CDC42BPB: variants seen among roughly 807,000 people sequenced by gnomAD.
CDC42BPB encodes the protein serine/threonine-protein kinase MRCK beta.
In CDC42BPB, 37 loss-of-function variants were observed where a neutral mutation model predicts 214.9. The ratio of observed to expected loss-of-function variants is 0.17; its 90% CI spans 0.13 to 0.23. The LOEUF (loss-of-function observed/expected upper bound fraction) is 0.23, where lower values mean the gene tolerates loss of function less well. Among genes scored for constraint, CDC42BPB ranks in the 10% least tolerant of loss-of-function variants. The pLI is 1.00. For missense variants in CDC42BPB, 1,694 were observed against 2,227.0 expected, an observed-to-expected ratio of 0.76 and a Z score of 4.82; for synonymous variants, 931 against 884.0, an observed-to-expected ratio of 1.05 and a Z score of -0.94.
rs1030412379 is a variant in CDC42BPB, at chr14:102,933,490, C to G, written c.*222G>C. On this transcript the variant is annotated 3_prime_UTR_variant, in exon 37 of 37. Transcript: ENST00000361246. ...GGGGGTCCTTCATGTGCAGATGGAACAGCATCGCCTCACAGCTGTGCAGAC... is the reference window on the plus strand; with the variant it reads ...GGGGGTCCTTCATGTGCAGATGGAAGAGCATCGCCTCACAGCTGTGCAGAC... 10 of 421,370 alleles carry G rather than the reference C, an allele frequency of 2.4e-5. No homozygotes were observed. Among genetic ancestry groups the G allele is most frequent in the African/African-American group, 1.9e-4 (9 of 48,566 alleles). 26.1% of individuals were successfully genotyped at this position (421,370 alleles called of 1,614,324 possible).
At chr14:103,036,368 G>A (rs904296256) in intron 1 of CDC42BPB, among the ~76,000 whole-genome samples, 34 of 151,974 alleles carry the variant, frequency 2.2e-4, no homozygotes, top group African/African-American at 8.2e-4. Context: ...TGTTAGCCAG[G>A]ATGGTCTCGA....
At chr14:102,939,113 G>A (rs993550075) in intron 34 of CDC42BPB, among the ~76,000 whole-genome samples, 1 of 151,616 alleles carries the variant, frequency 6.6e-6, no homozygotes, top group African/African-American at 2.4e-5. Context: ...ATTTCTTTTT[G>A]TATTTTTAGT....
At chr14:103,025,036 TTG>T (rs1886974127) in intron 1 of CDC42BPB, among the ~76,000 whole-genome samples, 1 of 152,226 alleles carries the variant, frequency 6.6e-6, no homozygotes, top group African/African-American at 2.4e-5. Context: ...TGAAATTTCT[TTG>T]TGTCACTGCT....
chr14:102,950,406 G>A (rs1031986828), intron 25 of CDC42BPB, 60 bp downstream of exon 25: 15 of 1,592,920 alleles, frequency 9.4e-6, no homozygotes, highest in Non-Finnish European at 1.3e-5. Flanking sequence ...GCTGGGCATG[G>A]CTATTGGTCA....
rs530826711 is a variant in CDC42BPB, at chr14:102,975,505, A to G, written c.1507+179T>C. On this transcript the variant is annotated intron_variant, in intron 11 of 36. Transcript: ENST00000361246. ...ACCACTGCACTCCAGCCTGGGTGACAAAAGTGAAACTCCGTCTAAAAAAAA... is the reference window on the plus strand; with the variant it reads ...ACCACTGCACTCCAGCCTGGGTGACGAAAGTGAAACTCCGTCTAAAAAAAA... Among the ~76,000 whole-genome samples, 12 of 152,332 alleles carry G rather than the reference A, an allele frequency of 7.9e-5. No individual in the cohort carries two copies. In the South Asian group the frequency reaches 2.3e-3, roughly 29 times the overall value.
chr14:103,002,784 T>C (rs1895047974), intron 4 of CDC42BPB, among the ~76,000 whole-genome samples: 1 of 152,154 alleles, frequency 6.6e-6, no homozygotes, highest in Admixed American at 6.5e-5. Flanking sequence ...CACTGGGTCG[T>C]TGGGAAGACG....
chr14:102,943,760 C>T lies in CDC42BPB; in HGVS notation c.4408+131G>A, dbSNP rs1309077901. On this transcript the variant is annotated intron_variant, in intron 30 of 36. Transcript: ENST00000361246. The surrounding 1 kb of genome is among the most constrained non-coding windows in gnomAD (Gnocchi z 4.6). ...CTCTCTGCTGCGGGCTGGCATGGGG[C>T]CCACCTCTCCCGATGCTCTGTGACT... 5.3e-5 allele frequency: 41 copies of T among 780,548 alleles called. 1 individual carries two copies. In the Middle Eastern group the frequency reaches 1.5e-3, roughly 28 times the overall value. 48.4% of individuals were successfully genotyped at this position (780,548 alleles called of 1,614,324 possible). A position where few individuals can be genotyped will look rare whatever the true frequency, so the allele number is the denominator to read the frequency against.
chr14:103,028,154 TAAA>T (rs1887154435), intron 1 of CDC42BPB, among the ~76,000 whole-genome samples: 2 of 151,782 alleles, frequency 1.3e-5, no homozygotes, highest in Admixed American at 6.6e-5. Context: ...AAAACAATAA[TAAA>T]AAACCAAGCA....
intron 1 of CDC42BPB, among the ~76,000 whole-genome samples, chr14:103,017,548 C>T (rs1036285927): frequency 4.6e-5 from 7 of 151,960 alleles, no homozygotes; most frequent in East Asian, 3.9e-4. Context: ...GAGACGCAAC[C>T]GCACATCCCA....
chr14:102,977,318 G>A (rs987872550), intron 9 of CDC42BPB, among the ~76,000 whole-genome samples: 3 of 125,528 alleles, frequency 2.4e-5, no homozygotes, highest in East Asian at 2.3e-4. Flanking sequence ...CAGCCTGGGC[G>A]ACAGAGCGAG....
At chr14:102,982,826 C>T (rs558584738) in intron 7 of CDC42BPB, among the ~76,000 whole-genome samples, 1 of 152,140 alleles carries the variant, frequency 6.6e-6, no homozygotes, top group African/African-American at 2.4e-5. Context: ...TTGCAGTGAG[C>T]CGAGACTGCG....
intron 8 of CDC42BPB, 91 bp from the exon 9 acceptor site, chr14:102,978,296 G>T: frequency 6.4e-7 from 1 of 1,573,074 alleles, no homozygotes; most frequent in Non-Finnish European, 8.6e-7. Flanking sequence ...GTGACAGGAG[G>T]CACTGGGCAG....
intron 1 of CDC42BPB, among the ~76,000 whole-genome samples, chr14:103,013,611 CCTT>C (rs1459598429): frequency 3.3e-5 from 5 of 152,226 alleles, no homozygotes; most frequent in Non-Finnish European, 2.9e-5. Flanking sequence ...AGACTGGTGT[CCTT>C]CTAAAAGGAG....
At chr14:102,993,242 T>C (rs1894577001) in intron 5 of CDC42BPB, among the ~76,000 whole-genome samples, 1 of 151,760 alleles carries the variant, frequency 6.6e-6, no homozygotes, top group Middle Eastern at 3.2e-3. Context: ...CAAATTCTTC[T>C]TCATACGTTA....
At chr14:103,046,191 C>A (rs1013589612) in intron 1 of CDC42BPB, among the ~76,000 whole-genome samples, 2 of 151,942 alleles carry the variant, frequency 1.3e-5, no homozygotes, top group African/African-American at 4.8e-5. Context: ...GCCACCTTCC[C>A]AGAAACTGAC....
chr14:102,935,255 G>A (rs993115775), intron 36 of CDC42BPB, among the ~76,000 whole-genome samples: 2 of 151,912 alleles, frequency 1.3e-5, no homozygotes, highest in African/African-American at 2.4e-5. Flanking sequence ...GCTCAGCAAA[G>A]TTATAGGGTA....
rs533729529 is a variant in CDC42BPB at position 103,017,844 on chromosome 14, G to A, written c.176-5656C>T. Among the ~76,000 whole-genome samples the A allele has an allele frequency of 3.3e-5, 5 of 152,378 alleles. No individual in the cohort carries two copies. The South Asian group carries it at 8.3e-4, about 25-fold the overall frequency. Reference sequence around the variant, plus strand: ...AATCCGCAATGCTTCAGTGGAATCTGAAGGTTAGATACAGCAATGTATCAA... The same window carrying A: ...AATCCGCAATGCTTCAGTGGAATCTAAAGGTTAGATACAGCAATGTATCAA... On this transcript the variant is annotated intron_variant, in intron 1 of 36. Transcript: ENST00000361246.
intron 8 of CDC42BPB, among the ~76,000 whole-genome samples, chr14:102,979,211 T>C (rs755981624): frequency 3.3e-5 from 5 of 151,972 alleles, no homozygotes; most frequent in African/African-American, 4.8e-5. Context: ...GATTTAACTT[T>C]TCTTGTTTTT....
At position 102,938,084 on chromosome 14, in the gene CDC42BPB, T is replaced by C; in HGVS notation, c.5004+20A>G. ...CAGTGGTGGCTCATAGCCTCAGCAC[T>C]GGACCTGGGCAAGTCTCACCTCTTT... On this transcript the variant is annotated intron_variant, in intron 36 of 36. Coordinates refer to ENST00000361246, the MANE Select transcript of CDC42BPB (RefSeq NM_006035.4). The C allele has an allele frequency of 6.2e-7, 1 of 1,613,276 alleles. No homozygotes were observed. The highest frequency in any genetic ancestry group is 1.3e-5 in the African/African-American group (1 of 75,064).
Sources: allele counts gnomAD v4.1 joint callset (sites outside exome capture counted in the v4.1 genomes callset), GRCh38; gene constraint gnomAD v4.1.1; non-coding constraint Gnocchi (gnomAD v3.1); transcripts MANE v1.5; gene names NCBI Gene and HGNC (gene_info 2026-07-23, HGNC 2026-07-21).